Variants in ASB11 observed in about 807,000 individuals in gnomAD.
The protein encoded by ASB11 is ankyrin repeat and SOCS box protein 11.
In ASB11, 17 loss-of-function variants were observed where a neutral mutation model predicts 20.1. The observed-to-expected ratio is 0.85, with a 90% CI of 0.58 to 1.27. The LOEUF (loss-of-function observed/expected upper bound fraction) is 1.27, where lower values mean the gene tolerates loss of function less well. ASB11 is among the 50% of genes most tolerant of loss of function. ASB11 has a pLI of 0.00. For missense variants in ASB11, 259 were observed against 256.9 expected, an observed-to-expected ratio of 1.01 and a Z score of -0.06; for synonymous variants, 107 against 105.6, an observed-to-expected ratio of 1.01 and a Z score of -0.08.
intron 3 of ASB11, among the ~76,000 whole-genome samples, chrX:15,295,428 GA>G (rs1421107278): frequency 8.9e-6 from 1 of 112,276 alleles, no homozygotes; most frequent in African/African-American, 3.2e-5. Context: ...GAAAAACTTA[GA>G]AAGTAAAATT....
chrX:15,313,476 TACACAC>T (rs747685831), intron 1 of ASB11, among the ~76,000 whole-genome samples: 1 of 106,915 alleles, frequency 9.4e-6, no homozygotes, highest in Admixed American at 1.0e-4. Context: ...TGTATATGTA[TACACAC>T]ACACACACAC....
chrX:15,311,942 T>A (rs1031609120), intron 1 of ASB11, among the ~76,000 whole-genome samples: 1 of 112,054 alleles, frequency 8.9e-6, no homozygotes, highest in Non-Finnish European at 1.9e-5. Flanking sequence ...GCACATTGTA[T>A]GATCTTTCTA....
chrX:15,306,698 G>C (rs1236626319), intron 1 of ASB11, among the ~76,000 whole-genome samples: 1 of 108,757 alleles, frequency 9.2e-6, no homozygotes, highest in Non-Finnish European at 1.9e-5. Context: ...GTGACACTTT[G>C]TCTCAAACAA....
intron 1 of ASB11, among the ~76,000 whole-genome samples, chrX:15,308,842 T>C (rs1281289382): frequency 8.9e-6 from 1 of 111,853 alleles, no homozygotes; most frequent in African/African-American, 3.3e-5. Context: ...CCCTAACCCC[T>C]GGGCCATTCC....
chrX:15,301,616 C>T (rs772515454), intron 2 of ASB11, among the ~76,000 whole-genome samples: 1 of 111,619 alleles, frequency 9.0e-6, no homozygotes, highest in Non-Finnish European at 1.9e-5. Context: ...AGATGATTGC[C>T]TAGTTGTGGA....
At chrX:15,297,532 C>A (rs1920978423) in intron 3 of ASB11, 42 bp downstream of exon 3, 1 of 1,022,305 alleles carries the variant, frequency 9.8e-7, no homozygotes, top group East Asian at 3.2e-5. Context: ...TTAACAGATG[C>A]ATCTGGCCAG....
Position 15,314,292 on chromosome X carries a change from C to A in ASB11, c.181+1133G>T, listed in dbSNP as rs1455546317. 5 of 1,055,384 alleles carry A rather than the reference C, an allele frequency of 4.7e-6. No individual in the cohort carries two copies. The South Asian group carries it at 1.6e-4, about 34-fold the overall frequency. The allele number at this position is 1,055,384 out of a possible 1,213,427, so 87.0% of individuals were successfully genotyped here. A position where few individuals can be genotyped will look rare whatever the true frequency, so the allele number is the denominator to read the frequency against. On this transcript the variant is annotated intron_variant, in intron 1 of 6. Coordinates refer to ENST00000480796, the MANE Select transcript of ASB11 (RefSeq NM_080873.3). The stretch of plus-strand genomic sequence containing the variant: ...CAAATTAAATTAGAAGATAACTTTT[C>A]AGATCATGCTTAACTTGAAACTTAT...
intron 1 of ASB11, chrX:15,314,379 T>C: frequency 8.5e-7 from 1 of 1,170,780 alleles, no homozygotes; most frequent in Non-Finnish European, 1.1e-6. Context: ...CTCCCTGAAA[T>C]GTGTGACAAA....
chrX:15,315,335 A>T, intron 1 of ASB11, 90 bp downstream of exon 1: 1 of 813,677 alleles, frequency 1.2e-6, no homozygotes, highest in African/African-American at 2.1e-5. Context: ...TCAAAGTATA[A>T]ATATAATCTG....
chrX:15,283,502 G>T lies in ASB11; in HGVS notation c.*3C>A. 8.3e-7 allele frequency: 1 copy of T among 1,210,877 alleles called. No homozygotes were observed. Among genetic ancestry groups the T allele is most frequent in the African/African-American group, 1.7e-5 (1 of 57,696 alleles). ...CCAAGTATCTTCCCAGGAACACTTA[G>T]GACTATTGGTATAGGAGGAATCGTT... On this transcript the variant is annotated 3_prime_UTR_variant, in exon 7 of 7. Coordinates refer to ENST00000480796, the MANE Select transcript of ASB11 (RefSeq NM_080873.3).
At chrX:15,284,094 T>C (rs1239998047) in intron 6 of ASB11, among the ~76,000 whole-genome samples, 2 of 105,249 alleles carry the variant, frequency 1.9e-5, no homozygotes, top group Admixed American at 1.0e-4. Context: ...CCACTAAAAA[T>C]ACAAAAAATT....
At chrX:15,296,297 C>T (rs1920964534) in intron 3 of ASB11, among the ~76,000 whole-genome samples, 1 of 109,836 alleles carries the variant, frequency 9.1e-6, no homozygotes, top group Non-Finnish European at 1.9e-5. Context: ...AGAAAATGCA[C>T]GACCACAATG....
At chrX:15,304,618 G>A (rs184640537) in intron 1 of ASB11, among the ~76,000 whole-genome samples, 45 of 112,373 alleles carry the variant, frequency 4.0e-4, no homozygotes, top group African/African-American at 1.1e-3. Context: ...CCAGGCTCAC[G>A]CCTGTAATCC....
At chrX:15,284,107 C>T (rs1424977392) in intron 6 of ASB11, among the ~76,000 whole-genome samples, 1 of 107,091 alleles carries the variant, frequency 9.3e-6, no homozygotes, top group Non-Finnish European at 1.9e-5. Flanking sequence ...AAAAAATTAG[C>T]CGGGTGTGGT....
intron 4 of ASB11, among the ~76,000 whole-genome samples, chrX:15,292,471 A>G (rs1265973543): frequency 1.8e-5 from 2 of 111,170 alleles, no homozygotes; most frequent in Non-Finnish European, 3.8e-5. Context: ...TTTCAGTGGC[A>G]TCTTCTCGGT....
At chrX:15,306,512 C>T (rs1411327960) in intron 1 of ASB11, among the ~76,000 whole-genome samples, 1 of 110,236 alleles carries the variant, frequency 9.1e-6, no homozygotes, top group Non-Finnish European at 1.9e-5. Flanking sequence ...TTGAAACCAG[C>T]CTGGCCAACA....
At chrX:15,283,976 G>A (rs1927270644) in intron 6 of ASB11, among the ~76,000 whole-genome samples, 1 of 111,487 alleles carries the variant, frequency 9.0e-6, no homozygotes, top group South Asian at 3.8e-4. Context: ...CACGGGGCCA[G>A]GCACGGTGGC....
intron 4 of ASB11, chrX:15,291,826 C>A (rs1166483318): frequency 9.1e-6 from 1 of 109,704 alleles, no homozygotes; most frequent in Non-Finnish European, 1.9e-5. Flanking sequence ...CACCTGAGGT[C>A]GAGTTCGAGA....
chrX:15,305,641 A>ATAGATAGATAG, intron 1 of ASB11, among the ~76,000 whole-genome samples: 1 of 111,541 alleles, frequency 9.0e-6, no homozygotes, highest in Non-Finnish European at 1.9e-5. Flanking sequence ...AGATAGATAG[A>ATAGATAGATAG]ATCACTGGTG....
Sources: gnomAD v4.1 joint callset for allele counts (sites outside exome capture counted in the v4.1 genomes callset) on GRCh38, gnomAD v4.1.1 for gene constraint, MANE v1.5 for transcripts, NCBI Gene and HGNC (gene_info 2026-07-23, HGNC 2026-07-21) for gene names.